ITGBL1: variants seen among roughly 807,000 people sequenced by gnomAD.
The protein encoded by ITGBL1 is integrin beta-like protein 1.
Under a neutral mutation model 68.5 loss-of-function variants are expected in ITGBL1, and 51 were observed. That is an observed-to-expected ratio of 0.74 (90% CI 0.59 to 0.94). The LOEUF (loss-of-function observed/expected upper bound fraction) is 0.94. Ranked by LOEUF, ITGBL1 falls within the 40% of genes least tolerant of loss-of-function variation. ITGBL1 has a pLI of 0.00. For missense variants in ITGBL1, 649 were observed against 647.4 expected (o/e 1.00, Z -0.03); for synonymous variants, 209 against 227.3 (o/e 0.92, Z 0.72).
intron 7 of ITGBL1, among the ~76,000 whole-genome samples, chr13:101,603,561 T>C (rs558239161): frequency 6.6e-6 from 1 of 152,066 alleles, no homozygotes; most frequent in African/African-American, 2.4e-5. Flanking sequence ...GACTGCTTAG[T>C]TACCAACACT....
At chr13:101,656,212 G>A (rs1418060453) in intron 7 of ITGBL1, among the ~76,000 whole-genome samples, 1 of 152,176 alleles carries the variant, frequency 6.6e-6, no homozygotes, top group Admixed American at 6.6e-5. Context: ...TATAGTGGCT[G>A]CCCTTAGAGA....
chr13:101,505,125 C>G (rs1335591), intron 2 of ITGBL1, among the ~76,000 whole-genome samples: 1 of 152,236 alleles, frequency 6.6e-6, no homozygotes, highest in East Asian at 1.9e-4. Context: ...AAAAGGCCAA[C>G]ATTAACAGTG....
chr13:101,520,515 G>C (rs2049268064), intron 2 of ITGBL1, among the ~76,000 whole-genome samples: 1 of 152,130 alleles, frequency 6.6e-6, no homozygotes, highest in Admixed American at 6.6e-5. Flanking sequence ...GTATGTATCA[G>C]CATGGCCAAG....
chr13:101,637,729 C>G (rs948853561), intron 7 of ITGBL1, among the ~76,000 whole-genome samples: 1 of 152,158 alleles, frequency 6.6e-6, no homozygotes, highest in African/African-American at 2.4e-5. Context: ...AGCCAACTCT[C>G]TCTTTTACCT....
At chr13:101,649,234 T>G (rs954510248) in intron 7 of ITGBL1, among the ~76,000 whole-genome samples, 3 of 152,174 alleles carry the variant, frequency 2.0e-5, no homozygotes, top group Admixed American at 2.0e-4. Context: ...ATTTTTATGG[T>G]CAACTCTGAA....
At position 101,695,416 on chromosome 13, in the gene ITGBL1, C is replaced by T. The variant is rs552182958; in HGVS notation, c.1132+2715C>T. Among the ~76,000 whole-genome samples the T allele has an allele frequency of 6.6e-5, 10 of 152,160 alleles. No homozygotes were observed. The South Asian group carries it at 8.3e-4, about 13-fold the overall frequency. On this transcript the variant is annotated intron_variant, in intron 8 of 10. Transcript: ENST00000376180. The stretch of plus-strand genomic sequence containing the variant: ...GAAAACCAAAGGGAAAAGAGTGTGA[C>T]GTGTTTTGTAAACATGTTAATAACT...
At chr13:101,631,228 G>A (rs187534131) in intron 7 of ITGBL1, among the ~76,000 whole-genome samples, 21 of 152,142 alleles carry the variant, frequency 1.4e-4, no homozygotes, top group African/African-American at 4.1e-4. Context: ...AAAATATGTC[G>A]TCTTATAGTT....
intron 2 of ITGBL1, among the ~76,000 whole-genome samples, chr13:101,477,848 AG>A (rs1329681529): frequency 6.6e-6 from 1 of 152,094 alleles, no homozygotes; most frequent in Admixed American, 6.6e-5. Flanking sequence ...ATTGATGAAA[AG>A]TTTCCTGGCC....
At chr13:101,618,592 A>T (rs547765777) in intron 7 of ITGBL1, among the ~76,000 whole-genome samples, 1 of 152,332 alleles carries the variant, frequency 6.6e-6, no homozygotes, top group East Asian at 1.9e-4. Context: ...AAAGGGACTT[A>T]GACAACCTCC....
Position 101,579,408 on chromosome 13 carries a change from C to T in ITGBL1, c.708C>T (p.Gly236=). 6.2e-7 allele frequency: 1 copy of T among 1,613,672 alleles called. No homozygotes were observed. Among genetic ancestry groups the T allele is most frequent in the Non-Finnish European group, 8.5e-7 (1 of 1,179,814 alleles). The change falls in exon 5 of 11, where the codon GGC becomes GGT. Residue 236 remains glycine, a synonymous_variant. Transcript: ENST00000376180. The part of the protein sequence containing the change: ...ESKRRCTSPD[G]KICSNRGTCV... ...AGCGAAGATGCACGTCTCCAGATGG[C>T]AAAATCTGCAGTAACAGAGGTGTGT... is the stretch of plus-strand genomic sequence containing the variant.
intron 1 of ITGBL1, among the ~76,000 whole-genome samples, chr13:101,453,298 T>C (rs980445715): frequency 6.6e-6 from 1 of 152,210 alleles, no homozygotes; most frequent in Middle Eastern, 3.2e-3. Flanking sequence ...TTACATTTTG[T>C]ATCATCCTGA....
intron 2 of ITGBL1, among the ~76,000 whole-genome samples, chr13:101,469,924 C>T (rs968603688): frequency 4.6e-5 from 7 of 152,292 alleles, no homozygotes; most frequent in South Asian, 2.1e-4. Context: ...GATCTTTCTC[C>T]GCTATTGTTG....
chr13:101,646,150 G>A (rs1030298396), intron 7 of ITGBL1, among the ~76,000 whole-genome samples: 44 of 152,228 alleles, frequency 2.9e-4, no homozygotes, highest in African/African-American at 9.6e-4. Context: ...ATCTGCAATG[G>A]CGTGAACTGC....
chr13:101,681,280 C>T (rs7998211), intron 7 of ITGBL1, among the ~76,000 whole-genome samples: 38,960 of 151,854 alleles, frequency 0.26, 5,583 homozygotes, highest in East Asian at 0.44. Context: ...TATGTGTGTG[C>T]GTGTGCCTGT....
chr13:101,463,415 G>A (rs2048342636), intron 2 of ITGBL1, among the ~76,000 whole-genome samples: 1 of 152,056 alleles, frequency 6.6e-6, no homozygotes, highest in South Asian at 2.1e-4. Context: ...TCTGAGTCTT[G>A]TATATGTCTT....
At chr13:101,677,571 A>G (rs942923043) in intron 7 of ITGBL1, among the ~76,000 whole-genome samples, 1 of 152,118 alleles carries the variant, frequency 6.6e-6, no homozygotes, top group African/African-American at 2.4e-5. Flanking sequence ...TAGGTCTCAG[A>G]CTCCAGAGCA....
At chr13:101,553,974 A>T (rs1409089569) in intron 2 of ITGBL1, among the ~76,000 whole-genome samples, 1 of 151,918 alleles carries the variant, frequency 6.6e-6, no homozygotes. Flanking sequence ...GGTTTTCTCC[A>T]TGTTGGTCAG....
rs1418098117 is a variant in ITGBL1, at chr13:101,605,835, T to TACGC, written c.1015+7537_1015+7538insCGCA. 1.3e-3 allele frequency among the ~76,000 whole-genome samples: 202 copies of TACGC among 151,148 alleles called. 1 individual carries two copies. The highest frequency in any genetic ancestry group is 2.5e-3 in the Non-Finnish European group (167 of 67,620). Reference sequence around the variant, plus strand: ...ACATGTATGTGCATATGTGTATATATATGCATATACATATGTATGTGTGTA... The same window carrying TACGC: ...ACATGTATGTGCATATGTGTATATATACGCATGCATATACATATGTATGTGTGTA... On this transcript the variant is annotated intron_variant, in intron 7 of 10. Transcript: ENST00000376180.
chr13:101,601,726 T>C (rs2030395113), intron 7 of ITGBL1, among the ~76,000 whole-genome samples: 1 of 152,216 alleles, frequency 6.6e-6, no homozygotes, highest in African/African-American at 2.4e-5. Context: ...GTTGTTCTGT[T>C]TCCATGTAGT....
Sources: gnomAD v4.1 joint callset for allele counts (sites outside exome capture counted in the v4.1 genomes callset) on GRCh38, gnomAD v4.1.1 for gene constraint, MANE v1.5 for transcripts, NCBI Gene and HGNC (gene_info 2026-07-23, HGNC 2026-07-21) for gene names.